MAD1L1: variants seen among roughly 807,000 people sequenced by gnomAD.
The protein encoded by MAD1L1 is mitotic spindle assembly checkpoint protein MAD1.
In MAD1L1, 95 loss-of-function variants were observed where a neutral mutation model predicts 96.9. That is an observed-to-expected ratio of 0.98 (90% CI 0.83 to 1.16). MAD1L1 has a LOEUF of 1.16. Ranked by LOEUF, MAD1L1 falls within the 50% of genes most tolerant of loss-of-function variation. MAD1L1 has a pLI of 0.00. For missense variants in MAD1L1, 1,007 were observed against 954.4 expected, an observed-to-expected ratio of 1.06 and a Z score of -0.73; for synonymous variants, 473 against 396.6, an observed-to-expected ratio of 1.19 and a Z score of -2.29.
intron 18 of MAD1L1, among the ~76,000 whole-genome samples, chr7:1,880,238 G>C (rs1304136899): frequency 6.6e-6 from 1 of 152,132 alleles, no homozygotes; most frequent in Admixed American, 6.5e-5. Flanking sequence ...TTTCCTGGGA[G>C]CCTGCCAACA....
At chr7:1,877,509 G>A (rs1159486634) in intron 18 of MAD1L1, among the ~76,000 whole-genome samples, 13 of 151,280 alleles carry the variant, frequency 8.6e-5, no homozygotes, top group East Asian at 1.9e-4. Context: ...AAGAATATAC[G>A]AGACAAAAAG....
chr7:2,039,181 A>G (rs1376420934), intron 12 of MAD1L1, among the ~76,000 whole-genome samples: 1 of 152,142 alleles, frequency 6.6e-6, no homozygotes. Context: ...AGATCTATTC[A>G]AGTATGTTTA....
At position 1,939,461 on chromosome 7, in the gene MAD1L1, C is replaced by T. The variant is rs1286643143; in HGVS notation, c.1597-2564G>A. ...GGGGCAGTGAGACTGGATGGGCACCCGGTCCCTCAGGCACAGACATGACCA... is the reference window on the plus strand; with the variant it reads ...GGGGCAGTGAGACTGGATGGGCACCTGGTCCCTCAGGCACAGACATGACCA... On this transcript the variant is annotated intron_variant, in intron 16 of 18. Coordinates refer to ENST00000265854, the MANE Select transcript of MAD1L1 (RefSeq NM_001013836.2). Among the ~76,000 whole-genome samples the T allele has an allele frequency of 1.2e-4, 18 of 151,504 alleles. 1 individual carries two copies. In the East Asian group the frequency reaches 2.1e-3, roughly 18 times the overall value.
intron 16 of MAD1L1, among the ~76,000 whole-genome samples, chr7:1,938,214 T>C (rs1583850870): frequency 7.6e-6 from 1 of 131,242 alleles, no homozygotes; most frequent in South Asian, 2.8e-4. Context: ...GGCAGGGAGC[T>C]GCAGGGTTAC....
chr7:1,927,274 C>G (rs780897401), intron 17 of MAD1L1, among the ~76,000 whole-genome samples: 3 of 152,164 alleles, frequency 2.0e-5, no homozygotes, highest in African/African-American at 4.8e-5. Context: ...GTTCATGTAT[C>G]GGAAGACTCA....
At chr7:1,943,592 G>A (rs1313647599) in intron 16 of MAD1L1, among the ~76,000 whole-genome samples, 1 of 152,122 alleles carries the variant, frequency 6.6e-6, no homozygotes, top group Non-Finnish European at 1.5e-5. Flanking sequence ...CCCCCAGGAC[G>A]GCTGGGAAGT....
chr7:1,863,235 G>A (rs935950286), intron 18 of MAD1L1, among the ~76,000 whole-genome samples: 10 of 152,280 alleles, frequency 6.6e-5, no homozygotes, highest in African/African-American at 2.2e-4. Context: ...AGCCCAGGGC[G>A]GGGTGAATGC....
At chr7:1,847,784 C>T (rs763237055) in intron 18 of MAD1L1, 12 of 449,212 alleles carry the variant, frequency 2.7e-5, no homozygotes, top group East Asian at 7.0e-5. Flanking sequence ...CAAGAATGAA[C>T]GAATCGGCCT....
rs769084074 is a variant in MAD1L1, at chr7:2,014,561, G to A, written c.1300C>T (p.Arg434Cys). The A allele has an allele frequency of 4.3e-6, 7 of 1,611,222 alleles. No homozygotes were observed. In the Admixed American group the frequency reaches 5.0e-5, roughly 12 times the overall value. ...PAEYSPQLTR[R>C]MREAEDMVQK... ...ACCATATCCTCAGCCTCCCGCATGCGCCGCGTCAGCTGGGGTGAGTACTCG... is the reference window on the plus strand; with the variant it reads ...ACCATATCCTCAGCCTCCCGCATGCACCGCGTCAGCTGGGGTGAGTACTCG... Residue 434 changes from arginine (R) to cysteine (C), a missense_variant, in exon 13 of 19, where the codon CGC (arginine) becomes TGC (cysteine). By Grantham distance (180) the Arg-to-Cys change is radical. Transcript: ENST00000265854.
chr7:2,121,803 C>A (rs1787994876), intron 11 of MAD1L1, among the ~76,000 whole-genome samples: 1 of 152,078 alleles, frequency 6.6e-6, no homozygotes, highest in Non-Finnish European at 1.5e-5. Context: ...TCTCACTGTC[C>A]CTCCAGACGG....
At chr7:2,134,016 C>A (rs1029735051) in intron 11 of MAD1L1, among the ~76,000 whole-genome samples, 1 of 152,220 alleles carries the variant, frequency 6.6e-6, no homozygotes, top group Admixed American at 6.5e-5. Context: ...CCATTGCCAT[C>A]TTTTGCCTTC....
At chr7:2,049,444 G>A (rs1784069332) in intron 12 of MAD1L1, among the ~76,000 whole-genome samples, 2 of 152,222 alleles carry the variant, frequency 1.3e-5, no homozygotes, top group African/African-American at 2.4e-5. Context: ...CACCATGGGT[G>A]GCAAAAGGCT....
intron 4 of MAD1L1, among the ~76,000 whole-genome samples, chr7:2,223,881 C>G (rs1793742842): frequency 6.6e-6 from 1 of 152,140 alleles, no homozygotes. Context: ...CTCCAAGGAA[C>G]AATTGGAAAA....
At chr7:1,854,293 AG>A in intron 18 of MAD1L1, 1 of 435,918 alleles carries the variant, frequency 2.3e-6, no homozygotes, top group Non-Finnish European at 4.6e-6. Context: ...AGACTGCCCC[AG>A]CCCCAGCAGC....
chr7:2,213,593 G>A (rs1405571929), intron 9 of MAD1L1, among the ~76,000 whole-genome samples: 5 of 152,216 alleles, frequency 3.3e-5, no homozygotes, highest in African/African-American at 4.8e-5. Context: ...GGGGTTGACT[G>A]TGCCCCAGGG....
chr7:1,976,377 C>T (rs1780638831), intron 15 of MAD1L1, among the ~76,000 whole-genome samples: 1 of 152,206 alleles, frequency 6.6e-6, no homozygotes, highest in South Asian at 2.1e-4. Flanking sequence ...TTGCTGGCTT[C>T]AGGAGTGAAG....
chr7:1,976,597 G>A (rs147005538), intron 15 of MAD1L1, among the ~76,000 whole-genome samples: 2,316 of 152,342 alleles, frequency 0.015, 44 homozygotes, highest in African/African-American at 0.052. Flanking sequence ...CTCCCACAGC[G>A]TGGAAGGGGA....
chr7:2,230,041 C>T lies in MAD1L1; in HGVS notation c.93G>A (p.Leu31=), dbSNP rs1184854084. 1.2e-6 allele frequency: 2 copies of T among 1,613,800 alleles called. No individual in the cohort carries two copies. Among genetic ancestry groups the T allele is most frequent in the Admixed American group, 1.7e-5 (1 of 60,002 alleles). ...ISQRVEGGSG[L]DISTSAPGSL... is the part of the protein sequence containing the mutation. The stretch of plus-strand genomic sequence containing the variant: ...AACCTGGGGCCGAGGTAGAAATATC[C>T]AGTCCAGAGCCTCCCTCCACACGCT... Residue 31 remains leucine, a synonymous_variant, in exon 3 of 19, where the codon CTG becomes CTA. Coordinates refer to ENST00000265854, the MANE Select transcript of MAD1L1 (RefSeq NM_001013836.2).
At chr7:1,847,332 G>A (rs973720144) in intron 18 of MAD1L1, 2 of 471,106 alleles carry the variant, frequency 4.2e-6, no homozygotes, top group Admixed American at 4.7e-5. Context: ...ACCAGGCATG[G>A]CAGGCGGTGC....
Sources: gnomAD v4.1 joint callset for allele counts (sites outside exome capture counted in the v4.1 genomes callset) on GRCh38, gnomAD v4.1.1 for gene constraint, MANE v1.5 for transcripts, NCBI Gene and HGNC (gene_info 2026-07-23, HGNC 2026-07-21) for gene names.